Variants in SHISA5 observed in about 807,000 individuals in gnomAD.
The protein encoded by SHISA5 is shisa family member 5.
Under a neutral mutation model 27.5 loss-of-function variants are expected in SHISA5, and 21 were observed. The observed-to-expected ratio is 0.76, with a 90% CI of 0.54 to 1.10. The LOEUF (loss-of-function observed/expected upper bound fraction) is 1.10. Ranked by LOEUF, SHISA5 falls within the 50% of genes least tolerant of loss-of-function variation. The pLI is 0.00. For synonymous variants in SHISA5, 137 were observed against 142.2 expected (o/e 0.96, Z 0.26); for missense variants, 314 against 336.3 (o/e 0.93, Z 0.52).
chr3:48,483,793 G>C (rs1457980883), intron 2 of SHISA5, among the ~76,000 whole-genome samples: 1 of 148,678 alleles, frequency 6.7e-6, no homozygotes, highest in Non-Finnish European at 1.5e-5. Flanking sequence ...CCTCCCGGAC[G>C]GGGCGGCTGG....
chr3:48,473,682 C>A lies in SHISA5; in HGVS notation c.315-3839G>T, dbSNP rs999267229. 3 of 1,025,920 alleles carry A rather than the reference C, an allele frequency of 2.9e-6. No homozygotes were observed. In the East Asian group the frequency reaches 2.1e-4, roughly 73 times the overall value. The allele number at this position is 1,025,920 out of a possible 1,614,324, so 63.6% of individuals were successfully genotyped here. On this transcript the variant is annotated intron_variant, in intron 3 of 5. Transcript: ENST00000296444. This position sits in a 1 kb window ranked among gnomAD's most constrained non-coding sequence, Gnocchi z 4.3. The stretch of plus-strand genomic sequence containing the variant: ...CCAGCTATGGCTCCTGTAGCTCTTG[C>A]GATTACAAAGGAATTTGCTTTATAA...
At chr3:48,501,915 C>T (rs2041768843) in intron 1 of SHISA5, among the ~76,000 whole-genome samples, 1 of 147,580 alleles carries the variant, frequency 6.8e-6, no homozygotes, top group Non-Finnish European at 1.5e-5. Flanking sequence ...GGCTGGAGTG[C>T]AGTGGTGCGA....
In SHISA5 at chr3:48,469,390, C is replaced by A. The variant is rs146000702; in HGVS notation, c.614G>T (p.Gly205Val). 8 of 1,599,734 alleles carry A rather than the reference C, an allele frequency of 5.0e-6. No individual in the cohort carries two copies. The African/African-American group carries it at 1.1e-4, about 21-fold the overall frequency. The change falls in exon 5 of 6, where the codon GGC (glycine) becomes GTC (valine). Residue 205 changes from glycine (G) to valine (V), a missense_variant. Physicochemically the swap from Gly to Val is moderately radical, Grantham distance 109. Transcript: ENST00000296444. The surrounding 1 kb of genome is among the most constrained non-coding windows in gnomAD (Gnocchi z 4.6). ...CAGGGTCTCGTGGTAGGCCGGTGGG[C>A]CCATGGGCTGGGCTGGGTAAGGTGG... ...YPPPYPAQPM[G>V]PPAYHETLAG...
chr3:48,495,922 G>A (rs1303056597), intron 2 of SHISA5, among the ~76,000 whole-genome samples: 1 of 145,718 alleles, frequency 6.9e-6, no homozygotes, highest in Non-Finnish European at 1.5e-5. Context: ...AGGCCAAGGA[G>A]GGCAGATCAC....
chr3:48,468,716 T>C lies in SHISA5; in HGVS notation c.*391A>G. 1 of 1,300,452 alleles carries C rather than the reference T, an allele frequency of 7.7e-7. No homozygotes were observed. The highest frequency in any genetic ancestry group is 1.0e-6 in the Non-Finnish European group (1 of 1,000,166). The allele number at this position is 1,300,452 out of a possible 1,614,324, so 80.6% of individuals were successfully genotyped here. ...CATCACACAGAAAGCTGCGCCACCC[T>C]GGTGTGACAGGCCCTACTTGGTCAC... is the stretch of plus-strand genomic sequence containing the variant. On this transcript the variant is annotated 3_prime_UTR_variant, in exon 6 of 6. Transcript: ENST00000296444.
chr3:48,489,842 C>G (rs924930421), intron 2 of SHISA5, among the ~76,000 whole-genome samples: 1 of 151,748 alleles, frequency 6.6e-6, no homozygotes, highest in African/African-American at 2.4e-5. Flanking sequence ...ATTGCCCAGG[C>G]TGGTCTTGAA....
Position 48,468,477 on chromosome 3 carries a change from G to T in SHISA5, c.*630C>A. On this transcript the variant is annotated 3_prime_UTR_variant, in exon 6 of 6. Coordinates refer to ENST00000296444, the MANE Select transcript of SHISA5 (RefSeq NM_016479.6). ...AGCTGAGTAGGGCTCTGCCTGAGGTGTTCTGGCATCAGGAGGCTGCCTGAT... is the reference window on the plus strand; with the variant it reads ...AGCTGAGTAGGGCTCTGCCTGAGGTTTTCTGGCATCAGGAGGCTGCCTGAT... 1 of 1,180,622 alleles carries T rather than the reference G, an allele frequency of 8.5e-7. No individual in the cohort carries two copies. The highest frequency in any genetic ancestry group is 1.1e-6 in the Non-Finnish European group (1 of 939,366). The allele number at this position is 1,180,622 out of a possible 1,614,324, so 73.1% of individuals were successfully genotyped here.
In SHISA5 at chr3:48,468,471, TGAGGTGTTCTGGCATCAG is replaced by T. The variant is rs2040441339; in HGVS notation, c.*618_*635del. On this transcript the variant is annotated 3_prime_UTR_variant, in exon 6 of 6. Transcript: ENST00000296444. ...AGGTACAGCTGAGTAGGGCTCTGCCTGAGGTGTTCTGGCATCAGGAGGCTGCCTGATCCCCAACAGGCA... is the reference window on the plus strand; with the variant it reads ...AGGTACAGCTGAGTAGGGCTCTGCCTGAGGCTGCCTGATCCCCAACAGGCA... 4.2e-6 allele frequency: 5 copies of T among 1,178,334 alleles called. No individual in the cohort carries two copies. Among genetic ancestry groups the T allele is most frequent in the Non-Finnish European group, 5.3e-6 (5 of 938,408 alleles). 73.0% of individuals were successfully genotyped at this position (1,178,334 alleles called of 1,614,324 possible).
chr3:48,503,257 G>A, intron 1 of SHISA5: 2 of 1,066,162 alleles, frequency 1.9e-6, no homozygotes, highest in Non-Finnish European at 2.5e-6. Flanking sequence ...CTGACCCCCA[G>A]ACCTCACTGA....
chr3:48,503,746 T>C, intron 1 of SHISA5: 1 of 1,222,086 alleles, frequency 8.2e-7, no homozygotes, highest in Non-Finnish European at 1.0e-6. Context: ...CTCCATCCCC[T>C]GGAACATGGG....
intron 2 of SHISA5, among the ~76,000 whole-genome samples, chr3:48,496,401 G>A (rs1194677043): frequency 1.3e-5 from 2 of 152,064 alleles, no homozygotes; most frequent in Non-Finnish European, 2.9e-5. Context: ...AGACCATCCT[G>A]GCTAACATGG....
At position 48,496,331 on chromosome 3, in the gene SHISA5, T is replaced by A. The variant is rs184605061; in HGVS notation, c.233+4806A>T. Among the ~76,000 whole-genome samples the A allele has an allele frequency of 1.4e-3, 186 of 129,590 alleles. No homozygotes were observed. In the Middle Eastern group the frequency reaches 0.036, roughly 25 times the overall value. 85.0% of individuals were successfully genotyped at this position (129,590 alleles called of 152,430 possible). On this transcript the variant is annotated intron_variant, in intron 2 of 5. Transcript: ENST00000296444. ...AAATTAGGCCGGGTGCAGTGGCTCA[T>A]GCCTGTAATCCCAGCACTTTGGGAG...
At chr3:48,503,544 G>A (rs1207923402) in intron 1 of SHISA5, among the ~76,000 whole-genome samples, 1 of 152,168 alleles carries the variant, frequency 6.6e-6, no homozygotes, top group Non-Finnish European at 1.5e-5. Flanking sequence ...ACACACAGTG[G>A]TGTCTCCACC....
intron 2 of SHISA5, among the ~76,000 whole-genome samples, chr3:48,491,637 CGTTT>C (rs1027367818): frequency 5.3e-5 from 8 of 151,858 alleles, no homozygotes; most frequent in Non-Finnish European, 8.8e-5. Flanking sequence ...CTGCTGTTTT[CGTTT>C]GTTTGTTTTT....
intron 3 of SHISA5, among the ~76,000 whole-genome samples, chr3:48,471,926 C>T (rs1575303753): frequency 6.6e-6 from 1 of 152,062 alleles, no homozygotes; most frequent in African/African-American, 2.4e-5. Context: ...TGGCCAGGCG[C>T]GGTGGCAACA....
chr3:48,475,116 A>T (rs80313406), intron 3 of SHISA5, among the ~76,000 whole-genome samples: 5,098 of 152,084 alleles, frequency 0.034, 110 homozygotes, highest in Middle Eastern at 0.11. Context: ...TAAAAAAAAA[A>T]TTTTTGCATA....
intron 1 of SHISA5, chr3:48,502,291 T>C: frequency 2.3e-6 from 1 of 437,442 alleles, no homozygotes. Flanking sequence ...GATGGCAGGC[T>C]AGATCCTGGT....
Position 48,469,007 on chromosome 3 carries a change from GAC to G in SHISA5, c.*98_*99del, listed in dbSNP as rs751805693. ...CATGGGGCGTAAGGAACCGTGCCTG[GAC>G]ACACACAGCACACATGGGGCGTAAG... On this transcript the variant is annotated 3_prime_UTR_variant, in exon 6 of 6. Coordinates refer to ENST00000296444, the MANE Select transcript of SHISA5 (RefSeq NM_016479.6). The surrounding 1 kb of genome is among the most constrained non-coding windows in gnomAD (Gnocchi z 4.6). 10 of 1,585,852 alleles carry G rather than the reference GAC, an allele frequency of 6.3e-6. No homozygotes were observed. Among genetic ancestry groups the G allele is most frequent in the African/African-American group, 5.3e-5 (4 of 74,830 alleles).
chr3:48,484,672 A>C (rs1416402496), intron 2 of SHISA5, among the ~76,000 whole-genome samples: 1 of 151,930 alleles, frequency 6.6e-6, no homozygotes, highest in Non-Finnish European at 1.5e-5. Context: ...CAGGCAGATC[A>C]CCTGAGGTCA....
Sources: allele counts gnomAD v4.1 joint callset (sites outside exome capture counted in the v4.1 genomes callset), GRCh38; gene constraint gnomAD v4.1.1; non-coding constraint Gnocchi (gnomAD v3.1); transcripts MANE v1.5; gene names NCBI Gene and HGNC (gene_info 2026-07-23, HGNC 2026-07-21).